Variants in DOCK10 observed in about 807,000 individuals in gnomAD.
DOCK10 encodes the protein dedicator of cytokinesis protein 10.
A neutral mutation model predicts 280.1 loss-of-function variants in DOCK10; 145 were observed. That is an observed-to-expected ratio of 0.52 (90% CI 0.45 to 0.59). The LOEUF is 0.59. Ranked by LOEUF, DOCK10 falls within the 20% of genes least tolerant of loss-of-function variation. The pLI is 0.00. For missense variants in DOCK10, 2,368 were observed against 2,651.7 expected, an observed-to-expected ratio of 0.89 and a Z score of 2.35; for synonymous variants, 915 against 942.2, an observed-to-expected ratio of 0.97 and a Z score of 0.53.
chr2:224,935,898 A>C (rs1286079442), intron 1 of DOCK10, among the ~76,000 whole-genome samples: 1 of 152,228 alleles, frequency 6.6e-6, no homozygotes, highest in Non-Finnish European at 1.5e-5. Context: ...AGAAACAAGC[A>C]CACATATAAT....
chr2:224,949,565 T>C (rs1559845330), intron 1 of DOCK10, among the ~76,000 whole-genome samples: 1 of 152,202 alleles, frequency 6.6e-6, no homozygotes, highest in Non-Finnish European at 1.5e-5. Flanking sequence ...AGGTAGGCTT[T>C]GAATAATAGG....
chr2:224,813,999 A>G (rs1432081950), intron 31 of DOCK10, among the ~76,000 whole-genome samples: 1 of 152,228 alleles, frequency 6.6e-6, no homozygotes, highest in Non-Finnish European at 1.5e-5. Flanking sequence ...TACATCATAT[A>G]AAGTCAGTTA....
At chr2:225,015,841 A>G (rs995252013) in intron 1 of DOCK10, among the ~76,000 whole-genome samples, 1 of 152,150 alleles carries the variant, frequency 6.6e-6, no homozygotes, top group Non-Finnish European at 1.5e-5. Flanking sequence ...CTTTTTAAAG[A>G]TTGTATTTAC....
At chr2:224,869,840 A>AC (rs1574967137) in intron 11 of DOCK10, among the ~76,000 whole-genome samples, 1 of 152,332 alleles carries the variant, frequency 6.6e-6, no homozygotes, top group East Asian at 1.9e-4. Context: ...AAGGAGTCAT[A>AC]TGCCCCTGGC....
rs143661898 is a variant in DOCK10 at position 224,980,552 on chromosome 2, G to A, written c.124-48884C>T. The stretch of plus-strand genomic sequence containing the variant: ...AGTGGGCTGGCAATAAACCATTAGC[G>A]AGTGTGTGAATTTTGGAGTGGCCCA... On this transcript the variant is annotated intron_variant, in intron 1 of 55. Coordinates refer to ENST00000258390, the MANE Select transcript of DOCK10 (RefSeq NM_014689.3). Among the ~76,000 whole-genome samples the A allele has an allele frequency of 1.2e-3, 177 of 152,314 alleles. 1 individual carries two copies. Among genetic ancestry groups the A allele is most frequent in the African/African-American group, 4.1e-3 (170 of 41,566 alleles).
intron 3 of DOCK10, among the ~76,000 whole-genome samples, chr2:224,914,801 G>T (rs926589998): frequency 4.6e-5 from 7 of 151,964 alleles, no homozygotes; most frequent in Admixed American, 3.9e-4. Context: ...AAAAATCAAA[G>T]AAACAATATA....
chr2:224,961,403 T>TCTTC (rs1704383065), intron 1 of DOCK10, among the ~76,000 whole-genome samples: 1 of 110,848 alleles, frequency 9.0e-6, no homozygotes, highest in Non-Finnish European at 1.9e-5. Flanking sequence ...GCATTTTCTT[T>TCTTC]CTTTCTTTCT....
At chr2:224,961,412 C>CTTTTTCTTTCTT (rs57668925) in intron 1 of DOCK10, among the ~76,000 whole-genome samples, 1 of 119,382 alleles carries the variant, frequency 8.4e-6, no homozygotes, top group African/African-American at 3.4e-5. Flanking sequence ...TTCTTTCTTT[C>CTTTTTCTTTCTT]TCTTTCTTTC....
At chr2:224,822,407 T>C (rs1220377485) in intron 28 of DOCK10, among the ~76,000 whole-genome samples, 1 of 152,222 alleles carries the variant, frequency 6.6e-6, no homozygotes, top group East Asian at 1.9e-4. Context: ...ATAATTTTTC[T>C]TTCATGGGAT....
At chr2:224,863,743 G>A (rs1221005815) in intron 13 of DOCK10, among the ~76,000 whole-genome samples, 1 of 152,148 alleles carries the variant, frequency 6.6e-6, no homozygotes, top group Non-Finnish European at 1.5e-5. Flanking sequence ...GAGCCACTGC[G>A]CCCGGCCTTA....
chr2:224,976,281 G>A (rs1273423918), intron 1 of DOCK10, among the ~76,000 whole-genome samples: 2 of 152,132 alleles, frequency 1.3e-5, no homozygotes, highest in Non-Finnish European at 2.9e-5. Context: ...AACACTTAAT[G>A]CATGCAGGGC....
At chr2:224,870,813 CCA>C (rs1698223470) in intron 11 of DOCK10, among the ~76,000 whole-genome samples, 1 of 117,676 alleles carries the variant, frequency 8.5e-6, no homozygotes, top group Admixed American at 7.7e-5. Flanking sequence ...CATGGCCACT[CCA>C]TTTTTTTTTT....
At chr2:224,950,574 G>A (rs915478288) in intron 1 of DOCK10, among the ~76,000 whole-genome samples, 1 of 152,136 alleles carries the variant, frequency 6.6e-6, no homozygotes, top group Non-Finnish European at 1.5e-5. Flanking sequence ...CCATGAAGGA[G>A]ATGGGTAATA....
intron 48 of DOCK10, among the ~76,000 whole-genome samples, chr2:224,788,369 T>C (rs1691890893): frequency 1.3e-5 from 2 of 152,220 alleles, no homozygotes; most frequent in Admixed American, 1.3e-4. Context: ...AACAATTTGT[T>C]TTAAGAAAAG....
In DOCK10 at chr2:224,839,965, T is replaced by G. The variant is rs1695850019; in HGVS notation, c.2769A>C (p.Thr923=). The change falls in exon 24 of 56, where the codon ACA becomes ACC. Residue 923 remains threonine (T), a synonymous_variant. Transcript: ENST00000258390. ...LVQNEEDEIT[T]TVTRVLTDIV... ...TGTGTTATGGATACCTGGTGACAGTTGTAGTTATTTCATCTTCCTCATTCT... is the reference window on the plus strand; with the variant it reads ...TGTGTTATGGATACCTGGTGACAGTGGTAGTTATTTCATCTTCCTCATTCT... The G allele has an allele frequency of 6.6e-7, 1 of 1,507,680 alleles. No homozygotes were observed. Among genetic ancestry groups the G allele is most frequent in the South Asian group, 1.2e-5 (1 of 82,120 alleles). 93.4% of individuals were successfully genotyped at this position (1,507,680 alleles called of 1,614,324 possible).
At chr2:224,939,710 C>T (rs1211240957) in intron 1 of DOCK10, among the ~76,000 whole-genome samples, 4 of 152,208 alleles carry the variant, frequency 2.6e-5, no homozygotes, top group Non-Finnish European at 5.9e-5. Flanking sequence ...ACCTCAGATA[C>T]TATCTTATTA....
intron 27 of DOCK10, among the ~76,000 whole-genome samples, chr2:224,826,902 G>A (rs886820224): frequency 2.0e-5 from 3 of 152,124 alleles, no homozygotes; most frequent in Admixed American, 1.3e-4. Context: ...AGTTGAGGCT[G>A]CAGTGAGCTA....
At chr2:224,975,009 T>C (rs1705349685) in intron 1 of DOCK10, among the ~76,000 whole-genome samples, 1 of 151,366 alleles carries the variant, frequency 6.6e-6, no homozygotes, top group Non-Finnish European at 1.5e-5. Flanking sequence ...TCTTTATCAC[T>C]GTGTTGGTTT....
At chr2:224,849,650 TGGGTG>T in intron 18 of DOCK10, 51 bp from the exon 19 acceptor site, 1 of 1,338,242 alleles carries the variant, frequency 7.5e-7, no homozygotes, top group Admixed American at 2.0e-5. Flanking sequence ...AAATTATCCC[TGGGTG>T]AAAAAAAAGT....
Sources: allele counts gnomAD v4.1 joint callset (sites outside exome capture counted in the v4.1 genomes callset), GRCh38; gene constraint gnomAD v4.1.1; transcripts MANE v1.5; gene names NCBI Gene and HGNC (gene_info 2026-07-23, HGNC 2026-07-21).